ITPRID2: variants seen among roughly 807,000 people sequenced by gnomAD.
ITPRID2 encodes the protein protein ITPRID2.
Under a neutral mutation model 124.3 loss-of-function variants are expected in ITPRID2, and 60 were observed. The ratio of observed to expected loss-of-function variants is 0.48; its 90% confidence interval spans 0.39 to 0.60. The LOEUF is 0.60. Among genes scored for constraint, ITPRID2 ranks in the 20% least tolerant of loss-of-function variants. ITPRID2 has a pLI of 0.00. For synonymous variants in ITPRID2, 521 were observed against 542.9 expected (o/e 0.96, Z 0.56); for missense variants, 1,553 against 1,512.2 (o/e 1.03, Z -0.45).
At chr2:181,906,780 A>G (rs1223427791) in intron 8 of ITPRID2, among the ~76,000 whole-genome samples, 1 of 152,128 alleles carries the variant, frequency 6.6e-6, no homozygotes, top group East Asian at 1.9e-4. Context: ...TATTTATCGC[A>G]GATAATTGTC....
At chr2:181,899,869 C>T (rs1438443855) in intron 6 of ITPRID2, among the ~76,000 whole-genome samples, 2 of 152,280 alleles carry the variant, frequency 1.3e-5, no homozygotes, top group South Asian at 2.1e-4. Flanking sequence ...GCCCCTCTCC[C>T]GCCCGCACAT....
At chr2:181,918,725 G>A in intron 12 of ITPRID2, 30 bp from the exon 13 acceptor site, 1 of 1,613,642 alleles carries the variant, frequency 6.2e-7, no homozygotes, top group Non-Finnish European at 8.5e-7. Context: ...GTAGAATTTA[G>A]AAGTGTAATT....
chr2:181,928,996 C>G (rs1695080232), intron 17 of ITPRID2, among the ~76,000 whole-genome samples: 1 of 151,924 alleles, frequency 6.6e-6, no homozygotes, highest in Admixed American at 6.6e-5. Context: ...CCCATAGATT[C>G]ATTTCTAATA....
chr2:181,930,548 C>T lies in ITPRID2; in HGVS notation c.*1001C>T, dbSNP rs1205321442. On this transcript the variant is annotated 3_prime_UTR_variant, in exon 18 of 18. Transcript: ENST00000431877. ...ACCAAATGTTATTAGAATTTTTCTT[C>T]TAGCATTTATAATTTTTTCAACTCC... 1 of 152,452 alleles carries T rather than the reference C, an allele frequency of 6.6e-6. No individual in the cohort carries two copies. Among genetic ancestry groups the T allele is most frequent in the African/African-American group, 2.4e-5 (1 of 41,404 alleles). 9.4% of individuals were successfully genotyped at this position (152,452 alleles called of 1,614,324 possible).
rs1322299520 is a variant in ITPRID2, at chr2:181,921,999, G to C, written c.3262G>C (p.Gly1088Arg). 1.2e-6 allele frequency: 2 copies of C among 1,614,156 alleles called. No individual in the cohort carries two copies. The highest frequency in any genetic ancestry group is 1.3e-5 in the African/African-American group (1 of 75,020). Residue 1088 changes from glycine (G) to arginine (R), a missense_variant, in exon 16 of 18, where the codon GGA becomes CGA. Transcript: ENST00000431877. ...ATACCTGAAGTCTGAATTGGGCCTGGGACTTGGAGAAATGGGATTTGAAAT... is the reference window on the plus strand; with the variant it reads ...ATACCTGAAGTCTGAATTGGGCCTGCGACTTGGAGAAATGGGATTTGAAAT... ...QSYLKSELGL[G>R]LGEMGFEIPP...
chr2:181,911,992 C>T (rs1693644738), intron 9 of ITPRID2, among the ~76,000 whole-genome samples: 1 of 152,186 alleles, frequency 6.6e-6, no homozygotes, highest in Non-Finnish European at 1.5e-5. Flanking sequence ...GTGAGGTGAA[C>T]TTGGCAGACT....
chr2:181,909,983 A>G lies in ITPRID2; in HGVS notation c.1486+12A>G. 6.3e-7 allele frequency: 1 copy of G among 1,590,918 alleles called. No individual in the cohort carries two copies. Among genetic ancestry groups the G allele is most frequent in the Non-Finnish European group, 8.6e-7 (1 of 1,159,678 alleles). On this transcript the variant is annotated intron_variant, in intron 9 of 17. Coordinates refer to ENST00000431877, the MANE Select transcript of ITPRID2 (RefSeq NM_001130445.3). ...GAAGTCGAAAAGAGGTAAGTGGACCAGTATCCACTAGTTCTGAGCACATTA... is the reference window on the plus strand; with the variant it reads ...GAAGTCGAAAAGAGGTAAGTGGACCGGTATCCACTAGTTCTGAGCACATTA...
At chr2:181,923,989 T>C (rs1694675400) in intron 16 of ITPRID2, among the ~76,000 whole-genome samples, 1 of 152,204 alleles carries the variant, frequency 6.6e-6, no homozygotes, top group Non-Finnish European at 1.5e-5. Flanking sequence ...TCATTAAATA[T>C]GAAAGATTTT....
Position 181,902,208 on chromosome 2 carries a change from T to C in ITPRID2, c.1155T>C (p.Ser385=), listed in dbSNP as rs759908179. ...DSDRISDEAN[S]NFNQGTENEQ... ...ATAGAATTTCTGATGAAGCAAATAG[T>C]AATTTTAACCAAGGAACTGAAAATG... Residue 385 remains serine, a synonymous_variant, in exon 8 of 18, where the codon AGT becomes AGC. Coordinates refer to ENST00000431877, the MANE Select transcript of ITPRID2 (RefSeq NM_001130445.3). This position sits in a 1 kb window ranked among gnomAD's most constrained non-coding sequence, Gnocchi z 4.4. 2.5e-6 allele frequency: 4 copies of C among 1,613,582 alleles called. No individual in the cohort carries two copies. Among genetic ancestry groups the C allele is most frequent in the Non-Finnish European group, 3.4e-6 (4 of 1,179,666 alleles).
In ITPRID2 at chr2:181,899,035, G is replaced by T. The variant is rs770372418; in HGVS notation, c.426G>T (p.Glu142Asp). The T allele has an allele frequency of 6.2e-7, 1 of 1,611,550 alleles. No homozygotes were observed. Among genetic ancestry groups the T allele is most frequent in the Non-Finnish European group, 8.5e-7 (1 of 1,179,194 alleles). Residue 142 changes from glutamate (E) to aspartate (D), a missense_variant, in exon 6 of 18, where the codon GAG (glutamate) becomes GAT (aspartate). Glu to Asp is a conservative substitution (Grantham distance 45, BLOSUM62 2). Coordinates refer to ENST00000431877, the MANE Select transcript of ITPRID2 (RefSeq NM_001130445.3). ...GTAGCAATAATATCTTGGCCAAAGA[G>T]AGAAGATTACAGTTTCATCAGAAAG... ...IENCNNILAK[E>D]RRLQFHQKGR... is the part of the protein sequence containing the mutation.
At position 181,916,146 on chromosome 2, in the gene ITPRID2, C is replaced by A. The variant is rs914435720; in HGVS notation, c.2506C>A (p.Pro836Thr). The stretch of plus-strand genomic sequence containing the variant: ...GACTCCTACCTGTTCACGGCTTGCT[C>A]CACCACCAATGTCTCAGTCTACCTG... Reference protein sequence around the residue: ...GRTPTCSRLAPPPMSQSTCSL... With the variant: ...GRTPTCSRLATPPMSQSTCSL... The change falls in exon 11 of 18, where the codon CCA becomes ACA. Residue 836 changes from proline to threonine, a missense_variant. Physicochemically the swap from Pro to Thr is conservative, Grantham distance 38. Transcript: ENST00000431877. 6.2e-7 allele frequency: 1 copy of A among 1,614,238 alleles called. No homozygotes were observed. The highest frequency in any genetic ancestry group is 8.5e-7 in the Non-Finnish European group (1 of 1,180,046).
intron 17 of ITPRID2, 40 bp downstream of exon 17, chr2:181,928,318 T>G: frequency 8.3e-7 from 1 of 1,206,188 alleles, no homozygotes; most frequent in South Asian, 1.4e-5. Context: ...TAAATGTAAA[T>G]AGTAACTGGC....
chr2:181,929,652 G>A lies in ITPRID2; in HGVS notation c.*105G>A. The A allele has an allele frequency of 5.6e-6, 9 of 1,608,190 alleles. No individual in the cohort carries two copies. The highest frequency in any genetic ancestry group is 7.7e-6 in the Non-Finnish European group (9 of 1,175,046). ...ATTTGTGCTTTAGAAGATACTTGCT[G>A]TTGAGCTGGGCTACTGTATACAGTG... On this transcript the variant is annotated 3_prime_UTR_variant, in exon 18 of 18. Coordinates refer to ENST00000431877, the MANE Select transcript of ITPRID2 (RefSeq NM_001130445.3).
chr2:181,913,789 C>T, intron 9 of ITPRID2, 56 bp from the exon 10 acceptor site: 1 of 1,293,794 alleles, frequency 7.7e-7, no homozygotes, highest in East Asian at 2.4e-5. Context: ...TTCTTATAGC[C>T]ACTTTTTTTA....
At chr2:181,921,830 G>T in intron 15 of ITPRID2, 118 bp from the exon 16 acceptor site, 1 of 890,396 alleles carries the variant, frequency 1.1e-6, no homozygotes, top group Non-Finnish European at 1.7e-6. Flanking sequence ...TAATGGAATA[G>T]ATTTATGTCT....
chr2:181,903,361 C>T (rs975338979), intron 8 of ITPRID2, among the ~76,000 whole-genome samples: 1 of 152,104 alleles, frequency 6.6e-6, no homozygotes, highest in Non-Finnish European at 1.5e-5. Flanking sequence ...ATATAATGCG[C>T]AATTTGTCTT....
rs1692229211 is a variant in ITPRID2 at position 181,896,677 on chromosome 2, G to A, written c.308-231G>A. ...AATATAAGTTTAAAACAGCCTATAG[G>A]TTGGCTTCTGAGAACTTTATGTTGC... On this transcript the variant is annotated intron_variant, in intron 3 of 17. Transcript: ENST00000431877. This position sits in a 1 kb window ranked among gnomAD's most constrained non-coding sequence, Gnocchi z 4.3. 1.3e-5 allele frequency among the ~76,000 whole-genome samples: 2 copies of A among 151,946 alleles called. No individual in the cohort carries two copies. Among genetic ancestry groups the A allele is most frequent in the South Asian group, 4.1e-4 (2 of 4,828 alleles).
chr2:181,901,178 T>C (rs1692636092), intron 7 of ITPRID2, among the ~76,000 whole-genome samples: 1 of 152,184 alleles, frequency 6.6e-6, no homozygotes, highest in South Asian at 2.1e-4. Context: ...ATTGCTTTTA[T>C]TCAAGAAGAA....
Position 181,892,493 on chromosome 2 carries a change from T to C in ITPRID2, c.212-122T>C. 1.5e-6 allele frequency: 2 copies of C among 1,307,834 alleles called. No individual in the cohort carries two copies. Among genetic ancestry groups the C allele is most frequent in the Non-Finnish European group, 2.2e-6 (2 of 912,864 alleles). 81.0% of individuals were successfully genotyped at this position (1,307,834 alleles called of 1,614,324 possible). ...ATCCGATTTCCCTGCCAAGGGACAC[T>C]GAGACGTGTCGCTTAGGCTGCATTT... On this transcript the variant is annotated intron_variant, in intron 1 of 17. Transcript: ENST00000431877. The surrounding 1 kb of genome is among the most constrained non-coding windows in gnomAD (Gnocchi z 5.2).
Sources: allele counts gnomAD v4.1 joint callset (sites outside exome capture counted in the v4.1 genomes callset), GRCh38; gene constraint gnomAD v4.1.1; non-coding constraint Gnocchi (gnomAD v3.1); transcripts MANE v1.5; gene names NCBI Gene and HGNC (gene_info 2026-07-23, HGNC 2026-07-21).